DLG2: variants seen among roughly 807,000 people sequenced by gnomAD.
DLG2 encodes the protein discs large MAGUK scaffold protein 2, also known as disks large homolog 2.
A neutral mutation model predicts 132.5 loss-of-function variants in DLG2; 45 were observed. The observed-to-expected ratio is 0.34, with a 90% CI of 0.27 to 0.44. The LOEUF (loss-of-function observed/expected upper bound fraction) is 0.44, where lower values mean the gene tolerates loss of function less well. Ranked by LOEUF, DLG2 falls within the 20% of genes least tolerant of loss-of-function variation. The probability of loss-of-function intolerance (pLI) is 1.00; values close to 1 mark genes in which losing one functional copy is unlikely to be tolerated. For synonymous variants in DLG2, 424 were observed against 419.6 expected, an observed-to-expected ratio of 1.01 and a Z score of -0.13; for missense variants, 1,045 against 1,196.9, an observed-to-expected ratio of 0.87 and a Z score of 1.87.
intron 12 of DLG2, among the ~76,000 whole-genome samples, chr11:83,979,714 C>T (rs1237839642): frequency 6.6e-6 from 1 of 152,090 alleles, no homozygotes; most frequent in Non-Finnish European, 1.5e-5. Flanking sequence ...ACACATGTAG[C>T]AGAACTCAGA....
In DLG2 at chr11:85,461,129, A is replaced by G. The variant is rs193137620; in HGVS notation, c.40+137528T>C. ...GGACTTGGATTCCTACGGAAGTTAT[A>G]CACACCAGGGAATCCAGCATATCAA... On this transcript the variant is annotated intron_variant, in intron 3 of 27. Transcript: ENST00000376104. Among the ~76,000 whole-genome samples, 138 of 152,362 alleles carry G rather than the reference A, an allele frequency of 9.1e-4. 1 individual carries two copies. Among genetic ancestry groups the G allele is most frequent in the African/African-American group, 3.1e-3 (131 of 41,594 alleles).
intron 3 of DLG2, among the ~76,000 whole-genome samples, chr11:85,396,724 G>C (rs1596892573): frequency 1.3e-5 from 2 of 152,266 alleles, no homozygotes; most frequent in East Asian, 3.9e-4. Context: ...GAAAAGGTTA[G>C]AGAAAAAAGA....
At chr11:83,608,725 C>T (rs2059689379) in intron 19 of DLG2, among the ~76,000 whole-genome samples, 1 of 151,362 alleles carries the variant, frequency 6.6e-6, no homozygotes. Context: ...CACACACACG[C>T]ACACACACAG....
At chr11:83,683,632 T>A (rs1017078040) in intron 18 of DLG2, among the ~76,000 whole-genome samples, 1 of 152,228 alleles carries the variant, frequency 6.6e-6, no homozygotes, top group African/African-American at 2.4e-5. Context: ...TATTGAAACG[T>A]ACATCACAAG....
chr11:84,735,067 A>G (rs1032212103), intron 6 of DLG2, among the ~76,000 whole-genome samples: 2 of 152,048 alleles, frequency 1.3e-5, no homozygotes, highest in East Asian at 1.9e-4. Flanking sequence ...TTTTTGCATC[A>G]ATGTTCATCA....
At chr11:84,042,651 G>T (rs563774701) in intron 11 of DLG2, among the ~76,000 whole-genome samples, 1 of 151,826 alleles carries the variant, frequency 6.6e-6, no homozygotes, top group East Asian at 1.9e-4. Context: ...CATGTGCAGG[G>T]TGTGCAGGTT....
At chr11:84,941,046 A>G (rs1292388494) in intron 6 of DLG2, among the ~76,000 whole-genome samples, 1 of 152,050 alleles carries the variant, frequency 6.6e-6, no homozygotes, top group Non-Finnish European at 1.5e-5. Context: ...TAGGTATACA[A>G]ATTTATTTCT....
intron 18 of DLG2, among the ~76,000 whole-genome samples, chr11:83,766,383 A>G (rs1163057976): frequency 6.8e-6 from 1 of 146,734 alleles, no homozygotes; most frequent in Non-Finnish European, 1.5e-5. Context: ...GTGAGCCACC[A>G]TGCCTGGCCT....
intron 6 of DLG2, among the ~76,000 whole-genome samples, chr11:84,645,030 C>T (rs1358067839): frequency 6.6e-6 from 1 of 152,116 alleles, no homozygotes; most frequent in African/African-American, 2.4e-5. Flanking sequence ...AGAAAGTTAA[C>T]AGCTTAGCAT....
Position 83,717,672 on chromosome 11 carries a change from C to T in DLG2, c.1825+69018G>A, listed in dbSNP as rs139403260. On this transcript the variant is annotated intron_variant, in intron 18 of 27. Coordinates refer to ENST00000376104, the MANE Select transcript of DLG2 (RefSeq NM_001142699.3). ...AAAAAAGTACAGAAAAACTCATGGC[C>T]TGTTTGGCTGCCTTTTGTTGGTGAA... 9.3e-4 allele frequency among the ~76,000 whole-genome samples: 141 copies of T among 152,334 alleles called. 1 individual carries two copies. The highest frequency in any genetic ancestry group is 8.9e-3 in the South Asian group (43 of 4,828).
chr11:84,007,949 T>G (rs2094656345), intron 11 of DLG2, among the ~76,000 whole-genome samples: 1 of 151,792 alleles, frequency 6.6e-6, no homozygotes, highest in Non-Finnish European at 1.5e-5. Flanking sequence ...TTGCATTTTC[T>G]TTCAAGATTG....
chr11:83,960,161 C>T (rs1291377742), intron 14 of DLG2, among the ~76,000 whole-genome samples: 1 of 151,988 alleles, frequency 6.6e-6, no homozygotes, highest in Non-Finnish European at 1.5e-5. Flanking sequence ...GACTCTCTGA[C>T]CAATGCCTAC....
intron 6 of DLG2, among the ~76,000 whole-genome samples, chr11:84,918,601 C>A (rs2092608199): frequency 1.3e-5 from 2 of 152,114 alleles, no homozygotes; most frequent in South Asian, 4.1e-4. Context: ...TGTCTGAATT[C>A]TAGAGTGTTT....
chr11:84,049,554 C>T (rs1405028673), intron 11 of DLG2, among the ~76,000 whole-genome samples: 11 of 151,864 alleles, frequency 7.2e-5, no homozygotes, highest in Admixed American at 2.6e-4. Flanking sequence ...ATCTCTGCCC[C>T]AATTCTTCCC....
At chr11:85,074,735 G>T (rs1304811500) in intron 6 of DLG2, among the ~76,000 whole-genome samples, 1 of 151,824 alleles carries the variant, frequency 6.6e-6, no homozygotes, top group Non-Finnish European at 1.5e-5. Context: ...TGAGGCACTG[G>T]CATATGTTTC....
rs933690438 is a variant in DLG2 at position 85,287,437 on chromosome 11, T to TA, written c.41-2073dup. Among the ~76,000 whole-genome samples, 21 of 152,170 alleles carry TA rather than the reference T, an allele frequency of 1.4e-4. 1 individual carries two copies. Among genetic ancestry groups the TA allele is most frequent in the African/African-American group, 4.1e-4 (17 of 41,548 alleles). On this transcript the variant is annotated intron_variant, in intron 3 of 27. Coordinates refer to ENST00000376104, the MANE Select transcript of DLG2 (RefSeq NM_001142699.3). ...GAAAGATCCTCGACCTCATTGGTGA[T>TA]AAAAAATACAAACTAAGATCATAGT...
chr11:85,553,568 A>G (rs1032976991), intron 3 of DLG2, among the ~76,000 whole-genome samples: 1 of 151,634 alleles, frequency 6.6e-6, no homozygotes, highest in South Asian at 2.1e-4. Context: ...TGAAAAACTG[A>G]TATTAATTGA....
chr11:83,743,329 C>T (rs2092667336), intron 18 of DLG2, among the ~76,000 whole-genome samples: 1 of 151,580 alleles, frequency 6.6e-6, no homozygotes, highest in South Asian at 2.1e-4. Flanking sequence ...AATATCTCTT[C>T]AATCCATTGT....
intron 3 of DLG2, among the ~76,000 whole-genome samples, chr11:85,545,606 T>C (rs1228475558): frequency 6.6e-6 from 1 of 152,184 alleles, no homozygotes; most frequent in Admixed American, 6.5e-5. Flanking sequence ...TGGCTGTGAA[T>C]CCATGTGGTC....
Sources: allele counts gnomAD v4.1 joint callset (sites outside exome capture counted in the v4.1 genomes callset), GRCh38; gene constraint gnomAD v4.1.1; transcripts MANE v1.5; gene names NCBI Gene and HGNC (gene_info 2026-07-23, HGNC 2026-07-21).